Variants in CDH10 observed in about 807,000 individuals in gnomAD.
The protein encoded by CDH10 is cadherin 10.
Under a neutral mutation model 73.1 loss-of-function variants are expected in CDH10, and 30 were observed. The observed-to-expected ratio is 0.41, with a 90% CI of 0.31 to 0.56. The LOEUF (loss-of-function observed/expected upper bound fraction) is 0.56. Ranked by LOEUF, CDH10 falls within the 20% of genes least tolerant of loss-of-function variation. The pLI is 0.27. For missense variants in CDH10, 815 were observed against 973.7 expected, an observed-to-expected ratio of 0.84 and a Z score of 2.17; for synonymous variants, 345 against 348.2, an observed-to-expected ratio of 0.99 and a Z score of 0.10.
intron 2 of CDH10, among the ~76,000 whole-genome samples, chr5:24,546,990 T>A (rs1744367564): frequency 6.6e-6 from 1 of 152,094 alleles, no homozygotes; most frequent in Non-Finnish European, 1.5e-5. Context: ...TTACTCTATG[T>A]TAAAAGTATA....
chr5:24,580,994 A>G (rs1745778414), intron 2 of CDH10, among the ~76,000 whole-genome samples: 1 of 152,184 alleles, frequency 6.6e-6, no homozygotes, highest in Non-Finnish European at 1.5e-5. Flanking sequence ...CATGTAATCC[A>G]GGATACTTGC....
At chr5:24,495,303 AGAG>A (rs1434675946) in intron 9 of CDH10, among the ~76,000 whole-genome samples, 1 of 152,246 alleles carries the variant, frequency 6.6e-6, no homozygotes, top group African/African-American at 2.4e-5. Flanking sequence ...AAAAGTGCAC[AGAG>A]AAGTCATTTA....
At chr5:24,607,480 T>A (rs1259006605) in intron 1 of CDH10, among the ~76,000 whole-genome samples, 2 of 152,234 alleles carry the variant, frequency 1.3e-5, no homozygotes, top group Non-Finnish European at 2.9e-5. Context: ...TTGTTCCTAC[T>A]TTATTCACAC....
At chr5:24,573,165 T>C (rs918804896) in intron 2 of CDH10, among the ~76,000 whole-genome samples, 1 of 151,402 alleles carries the variant, frequency 6.6e-6, no homozygotes, top group Admixed American at 6.6e-5. Context: ...AAAATAAATA[T>C]ATAAATAGAG....
intron 8 of CDH10, 58 bp from the exon 9 acceptor site, chr5:24,498,577 T>C: frequency 1.7e-6 from 2 of 1,204,786 alleles, no homozygotes; most frequent in Non-Finnish European, 2.5e-6. Flanking sequence ...TCAAATTTAA[T>C]TTATATAGGC....
intron 2 of CDH10, among the ~76,000 whole-genome samples, chr5:24,568,472 A>T (rs1043862387): frequency 2.6e-5 from 4 of 152,180 alleles, no homozygotes; most frequent in Non-Finnish European, 5.9e-5. Flanking sequence ...AAGGATAGTT[A>T]TTTCAACAAC....
chr5:24,495,603 T>C (rs1365311195), intron 9 of CDH10, among the ~76,000 whole-genome samples: 10 of 151,968 alleles, frequency 6.6e-5, no homozygotes, highest in Non-Finnish European at 2.9e-5. Flanking sequence ...AATCTCAGCA[T>C]TTTGGGAGGT....
intron 5 of CDH10, 21 bp from the exon 6 acceptor site, chr5:24,511,535 A>AAGAGAGAGAG (rs776963293): frequency 1.2e-6 from 1 of 845,528 alleles, no homozygotes; most frequent in Non-Finnish European, 1.9e-6. Flanking sequence ...TAAAGAAAAG[A>AAGAGAGAGAG]AGAGAGAGAC....
At chr5:24,629,450 A>G (rs1402445474) in intron 1 of CDH10, among the ~76,000 whole-genome samples, 2 of 152,208 alleles carry the variant, frequency 1.3e-5, no homozygotes, top group South Asian at 2.1e-4. Flanking sequence ...TAAAAAGCAA[A>G]CTCATCAGGT....
rs769950309 is a variant in CDH10 at position 24,537,685 on chromosome 5, T to TA, written c.232-12dup. On this transcript the variant is annotated splice_polypyrimidine_tract_variant and intron_variant, in intron 2 of 11. Transcript: ENST00000264463. ...TTGGTCTGAATGTAGCTAGGGGAAA[T>TA]AAAAAAGAGTATATCCATGATCATG... 1.1e-5 allele frequency: 17 copies of TA among 1,517,728 alleles called. No individual in the cohort carries two copies. The highest frequency in any genetic ancestry group is 1.4e-5 in the Non-Finnish European group (16 of 1,109,994). The allele number at this position is 1,517,728 out of a possible 1,614,324, so 94.0% of individuals were successfully genotyped here.
At position 24,487,976 on chromosome 5, in the gene CDH10, T is replaced by C. The variant is rs2111608199; in HGVS notation, c.2054A>G (p.Lys685Arg). Reference protein sequence around the residue: ...LRNPAAIEEKKLRRDIIPETL... With the variant: ...LRNPAAIEEKRLRRDIIPETL... ...TTCTGGAATAATATCTCGCCGGAGC[T>C]TTTTTTCCTCAATGGCTGCAGGATT... Residue 685 changes from lysine to arginine, a missense_variant, in exon 12 of 12, where the codon AAG (lysine) becomes AGG (arginine). Transcript: ENST00000264463. 1 of 1,613,748 alleles carries C rather than the reference T, an allele frequency of 6.2e-7. No homozygotes were observed. Among genetic ancestry groups the C allele is most frequent in the Non-Finnish European group, 8.5e-7 (1 of 1,179,802 alleles).
intron 11 of CDH10, among the ~76,000 whole-genome samples, chr5:24,488,726 T>C (rs1461778555): frequency 2.6e-5 from 4 of 151,924 alleles, no homozygotes; most frequent in African/African-American, 9.7e-5. Flanking sequence ...AAAAAACAGA[T>C]TAGTTAGAGT....
intron 2 of CDH10, among the ~76,000 whole-genome samples, chr5:24,563,678 G>A (rs1394020142): frequency 2.0e-5 from 3 of 149,700 alleles, no homozygotes; most frequent in South Asian, 2.1e-4. Flanking sequence ...GCTGAGGCAG[G>A]AGAAAGGCCT....
At chr5:24,508,889 G>T (rs1742793400) in intron 7 of CDH10, among the ~76,000 whole-genome samples, 2 of 152,128 alleles carry the variant, frequency 1.3e-5, no homozygotes, top group East Asian at 3.9e-4. Context: ...CACAAATAAA[G>T]TAGTTTGGTT....
rs1177492289 is a variant in CDH10, at chr5:24,531,133, C to T, written c.814+3979G>A. Among the ~76,000 whole-genome samples, 4 of 152,142 alleles carry T rather than the reference C, an allele frequency of 2.6e-5. No individual in the cohort carries two copies. In the South Asian group the frequency reaches 6.2e-4, roughly 24 times the overall value. The stretch of plus-strand genomic sequence containing the variant: ...AGTGGATTTCTCCCTCTATTGGTGG[C>T]TAGATCCACTCTATATTGCAGTGTT... On this transcript the variant is annotated intron_variant, in intron 5 of 11. Coordinates refer to ENST00000264463, the MANE Select transcript of CDH10 (RefSeq NM_006727.5).
At position 24,537,538 on chromosome 5, in the gene CDH10, G is replaced by C. The variant is rs1744002517; in HGVS notation, c.368C>G (p.Ala123Gly). ...ATRRIDREEK[A>G]FYTLRAQAIN... is the part of the protein sequence containing the mutation. Reference sequence around the variant, plus strand: ...AGCTTGTGCGCGTAGAGTATAAAAGGCCTTTTCCTCCCTATCAATTCGCCT... The same window carrying C: ...AGCTTGTGCGCGTAGAGTATAAAAGCCCTTTTCCTCCCTATCAATTCGCCT... The change falls in exon 3 of 12, where the codon GCC (alanine) becomes GGC (glycine). Residue 123 changes from alanine to glycine, a missense_variant. Ala to Gly is a moderately conservative substitution (Grantham distance 60). Coordinates refer to ENST00000264463, the MANE Select transcript of CDH10 (RefSeq NM_006727.5). The C allele has an allele frequency of 6.2e-7, 1 of 1,613,206 alleles. No individual in the cohort carries two copies. Among genetic ancestry groups the C allele is most frequent in the Non-Finnish European group, 8.5e-7 (1 of 1,179,452 alleles).
At chr5:24,608,172 A>C (rs951500053) in intron 1 of CDH10, among the ~76,000 whole-genome samples, 2 of 152,246 alleles carry the variant, frequency 1.3e-5, no homozygotes, top group Admixed American at 1.3e-4. Context: ...GTAATGAGAC[A>C]GAATATGGAG....
chr5:24,554,839 T>C (rs2111967258), intron 2 of CDH10, among the ~76,000 whole-genome samples: 1 of 152,232 alleles, frequency 6.6e-6, no homozygotes, highest in African/African-American at 2.4e-5. Context: ...AATCTGACCA[T>C]TAATGTTTTG....
chr5:24,502,143 C>G (rs1319153168), intron 8 of CDH10, among the ~76,000 whole-genome samples: 1 of 152,000 alleles, frequency 6.6e-6, no homozygotes, highest in Non-Finnish European at 1.5e-5. Context: ...AGGATGGTCT[C>G]GATCACCTGA....
Sources: allele counts gnomAD v4.1 joint callset (sites outside exome capture counted in the v4.1 genomes callset), GRCh38; gene constraint gnomAD v4.1.1; transcripts MANE v1.5; gene names NCBI Gene and HGNC (gene_info 2026-07-23, HGNC 2026-07-21).